Variants in JMJD1C observed in about 807,000 individuals in gnomAD.
JMJD1C encodes jumonji domain containing 1C, also known as jumonji domain-containing protein 1C.
JMJD1C carries 31 observed loss-of-function variants against 245.3 expected under a neutral mutation model. The ratio of observed to expected loss-of-function variants is 0.13; its 90% confidence interval spans 0.09 to 0.17. The LOEUF is 0.17. JMJD1C is among the 10% of genes least tolerant of loss of function. The pLI is 1.00. For missense variants in JMJD1C, 2,691 were observed against 3,000.2 expected, an observed-to-expected ratio of 0.90 and a Z score of 2.41; for synonymous variants, 1,057 against 1,017.4, an observed-to-expected ratio of 1.04 and a Z score of -0.74.
At chr10:63,191,655 AC>A (rs1298080656) in intron 16 of JMJD1C, among the ~76,000 whole-genome samples, 1 of 152,282 alleles carries the variant, frequency 6.6e-6, no homozygotes, top group East Asian at 1.9e-4. Context: ...TACACCTGTT[AC>A]AAATGAAAAA....
chr10:63,467,525 C>G (rs940645391), upstream of JMJD1C, among the ~76,000 whole-genome samples: 8 of 152,140 alleles, frequency 5.3e-5, no homozygotes, highest in African/African-American at 1.9e-4. Context: ...AACAAACAAA[C>G]AAACAAAAAA....
intron 1 of JMJD1C, among the ~76,000 whole-genome samples, chr10:63,418,751 G>A (rs1034685590): frequency 1.3e-5 from 2 of 152,046 alleles, no homozygotes; most frequent in African/African-American, 2.4e-5. Flanking sequence ...CCGTATATTT[G>A]AGAACAGCAT....
chr10:63,437,299 T>G (rs1471426173), intron 1 of JMJD1C, among the ~76,000 whole-genome samples: 2 of 152,196 alleles, frequency 1.3e-5, no homozygotes, highest in East Asian at 3.8e-4. Context: ...CCTAGATGAC[T>G]ATTTCATAAC....
At chr10:63,245,479 T>TTTG (rs1491245324) in intron 3 of JMJD1C, among the ~76,000 whole-genome samples, 1 of 9,064 alleles carries the variant, frequency 1.1e-4, no homozygotes, top group East Asian at 1.1e-3. Flanking sequence ...AGGGGAACTC[T>TTTG]TTTTTTTTTT....
At chr10:63,313,473 C>G (rs1183551651) in intron 2 of JMJD1C, among the ~76,000 whole-genome samples, 1 of 152,168 alleles carries the variant, frequency 6.6e-6, no homozygotes, top group Non-Finnish European at 1.5e-5. Context: ...AGTGAGACTG[C>G]TGGATCCCAC....
intron 1 of JMJD1C, among the ~76,000 whole-genome samples, chr10:63,398,517 T>C (rs1406806244): frequency 6.6e-6 from 1 of 152,182 alleles, no homozygotes; most frequent in Non-Finnish European, 1.5e-5. Context: ...GAGGCACATA[T>C]GTGTTGTCTG....
chr10:63,205,336 A>G (rs1027175287), intron 10 of JMJD1C, among the ~76,000 whole-genome samples: 17 of 152,204 alleles, frequency 1.1e-4, no homozygotes, highest in Non-Finnish European at 2.9e-5. Context: ...TAAGAGTGAA[A>G]TACAGTCCAC....
chr10:63,294,139 C>T (rs1022391147), intron 2 of JMJD1C, among the ~76,000 whole-genome samples: 2 of 152,122 alleles, frequency 1.3e-5, no homozygotes, highest in African/African-American at 2.4e-5. Flanking sequence ...CAATTCAACC[C>T]TTTCTGCTTT....
intron 2 of JMJD1C, among the ~76,000 whole-genome samples, chr10:63,282,861 C>T (rs565883039): frequency 1.1e-4 from 17 of 152,230 alleles, no homozygotes; most frequent in African/African-American, 2.9e-4. Flanking sequence ...GGACTACAGG[C>T]GCGTGCCACC....
chr10:63,275,040 G>A (rs746494524), intron 2 of JMJD1C, among the ~76,000 whole-genome samples: 3 of 151,886 alleles, frequency 2.0e-5, no homozygotes, highest in Admixed American at 1.3e-4. Flanking sequence ...TAAAAATATA[G>A]GTATTTTTAA....
chr10:63,488,755 A>C (rs1297301737), intron 1 of JMJD1C, among the ~76,000 whole-genome samples: 4 of 152,204 alleles, frequency 2.6e-5, no homozygotes, highest in African/African-American at 9.7e-5. Flanking sequence ...GTATGGCATA[A>C]AACAGCCTAA....
intron 2 of JMJD1C, among the ~76,000 whole-genome samples, chr10:63,270,134 T>A (rs1589347444): frequency 6.6e-6 from 1 of 152,198 alleles, no homozygotes; most frequent in East Asian, 1.9e-4. Context: ...TCACATTTTA[T>A]TTCTACTGGA....
intron 2 of JMJD1C, among the ~76,000 whole-genome samples, chr10:63,367,230 T>C (rs551963835): frequency 3.3e-5 from 5 of 152,040 alleles, no homozygotes; most frequent in Admixed American, 6.6e-5. Flanking sequence ...CCCTAGTTTT[T>C]TTTTGTTTTT....
chr10:63,225,509 C>T (rs1205038073), intron 3 of JMJD1C, among the ~76,000 whole-genome samples: 2 of 151,884 alleles, frequency 1.3e-5, no homozygotes, highest in Admixed American at 6.6e-5. Flanking sequence ...TAAGGCCAGG[C>T]GCGGTGGCTC....
intron 3 of JMJD1C, among the ~76,000 whole-genome samples, chr10:63,260,653 G>A (rs904050335): frequency 1.6e-4 from 24 of 151,906 alleles, no homozygotes; most frequent in Non-Finnish European, 2.5e-4. Flanking sequence ...GCAGTGGCGC[G>A]GTCTCGGCTC....
At chr10:63,440,836 A>G (rs894284952) in intron 1 of JMJD1C, among the ~76,000 whole-genome samples, 6 of 152,342 alleles carry the variant, frequency 3.9e-5, no homozygotes, top group Admixed American at 2.0e-4. Context: ...TAACTGCTTC[A>G]TACAATTTCA....
At chr10:63,186,647 C>G (rs1415171153) in intron 18 of JMJD1C, among the ~76,000 whole-genome samples, 1 of 152,176 alleles carries the variant, frequency 6.6e-6, no homozygotes, top group East Asian at 1.9e-4. Context: ...CAAATTCCCT[C>G]ACAGCTTTCT....
At chr10:63,270,421 G>T (rs535384286) in intron 2 of JMJD1C, among the ~76,000 whole-genome samples, 3 of 151,290 alleles carry the variant, frequency 2.0e-5, no homozygotes, top group African/African-American at 7.3e-5. Flanking sequence ...CACCCGCCTC[G>T]GCCTCCCAAA....
At chr10:63,266,793 G>C (rs1855625867) in intron 2 of JMJD1C, among the ~76,000 whole-genome samples, 1 of 152,060 alleles carries the variant, frequency 6.6e-6, no homozygotes, top group Admixed American at 6.5e-5. Context: ...TCTCCTTCTG[G>C]AGTGCCTCTT....
Sources: gnomAD v4.1 joint callset for allele counts (sites outside exome capture counted in the v4.1 genomes callset) on GRCh38, gnomAD v4.1.1 for gene constraint, MANE v1.5 for transcripts, NCBI Gene and HGNC (gene_info 2026-07-23, HGNC 2026-07-21) for gene names.